The following OC90 variants were observed in gnomAD, a reference collection of about 807,000 sequenced individuals.
OC90 encodes the protein otoconin-90.
Under a neutral mutation model 47.3 loss-of-function variants are expected in OC90, and 46 were observed. That is an observed-to-expected ratio of 0.97 (90% CI 0.77 to 1.24). The LOEUF (loss-of-function observed/expected upper bound fraction) is 1.24. Among genes scored for constraint, OC90 ranks in the 50% most tolerant of loss-of-function variants. The probability of loss-of-function intolerance (pLI) is 0.00; values close to 1 mark genes in which losing one functional copy is unlikely to be tolerated. For synonymous variants in OC90, 271 were observed against 219.5 expected (o/e 1.23, Z -2.07); for missense variants, 688 against 583.9 (o/e 1.18, Z -1.84).
At position 132,029,055 on chromosome 8, in the gene OC90, G is replaced by A; in HGVS notation, c.1138+18C>T. ...CCTCAATGAAATAATAACTCAATGT[G>A]CAACCAACAGCACTTACACTTGGGC... On this transcript the variant is annotated intron_variant, in intron 13 of 13. Coordinates refer to ENST00000254627, the MANE Select transcript of OC90 (RefSeq NM_001080399.3). 1 of 1,558,438 alleles carries A rather than the reference G, an allele frequency of 6.4e-7. No homozygotes were observed. Among genetic ancestry groups the A allele is most frequent in the Non-Finnish European group, 8.9e-7 (1 of 1,129,082 alleles).
intron 2 of OC90, among the ~76,000 whole-genome samples, chr8:132,050,621 G>C (rs1265704305): frequency 6.6e-6 from 1 of 152,130 alleles, no homozygotes. Context: ...TTTCCTCGTT[G>C]AGCCTCACTT....
intron 8 of OC90, among the ~76,000 whole-genome samples, chr8:132,038,173 C>G (rs948426345): frequency 2.0e-5 from 3 of 152,176 alleles, no homozygotes; most frequent in Non-Finnish European, 2.9e-5. Flanking sequence ...AAACCTGACT[C>G]CCATTTTTGG....
intron 8 of OC90, among the ~76,000 whole-genome samples, chr8:132,038,254 G>C (rs531839124): frequency 2.0e-5 from 3 of 152,310 alleles, no homozygotes; most frequent in African/African-American, 7.2e-5. Context: ...CACCTACCCT[G>C]TTCTGAAAAT....
intron 12 of OC90, among the ~76,000 whole-genome samples, chr8:132,030,027 C>T (rs866548394): frequency 3.3e-5 from 5 of 152,138 alleles, no homozygotes; most frequent in African/African-American, 9.7e-5. Context: ...TTAACTTTTC[C>T]GCATTGCTAG....
chr8:132,057,596 G>A (rs1823293682), intron 1 of OC90, among the ~76,000 whole-genome samples: 1 of 152,198 alleles, frequency 6.6e-6, no homozygotes, highest in South Asian at 2.1e-4. Flanking sequence ...CAATGTGAAT[G>A]CACTTAATGC....
At chr8:132,048,456 C>T (rs1823166208) in intron 2 of OC90, among the ~76,000 whole-genome samples, 1 of 147,372 alleles carries the variant, frequency 6.8e-6, no homozygotes, top group South Asian at 2.1e-4. Context: ...TGCACTAACC[C>T]ACCGTGGTCC....
chr8:132,038,505 G>A (rs1011024407), intron 8 of OC90, among the ~76,000 whole-genome samples: 10 of 152,248 alleles, frequency 6.6e-5, no homozygotes, highest in Admixed American at 2.0e-4. Context: ...TACAGAGTGA[G>A]AAAGGGGAGA....
At chr8:132,033,292 G>T in intron 10 of OC90, 128 bp from the exon 11 acceptor site, 1 of 922,732 alleles carries the variant, frequency 1.1e-6, no homozygotes, top group Non-Finnish European at 1.7e-6. Flanking sequence ...CCTCAAACTG[G>T]GTTTGCAGAT....
chr8:132,037,532 G>A, intron 8 of OC90, 44 bp from the exon 9 acceptor site: 2 of 1,526,220 alleles, frequency 1.3e-6, no homozygotes, highest in Non-Finnish European at 1.8e-6. Context: ...ATGCAACACA[G>A]TGTCAAAACC....
rs367950487 is a variant in OC90, at chr8:132,024,633, T to C, written c.1282A>G (p.Ser428Gly). 3.9e-4 allele frequency: 635 copies of C among 1,613,556 alleles called. No homozygotes were observed. The highest frequency in any genetic ancestry group is 1.2e-3 in the Middle Eastern group (7 of 6,082). Reference protein sequence around the residue: ...CPGQPAACEDSLHPVPAAPTL... With the variant: ...CPGQPAACEDGLHPVPAAPTL... ...GGGGCTGCGGGCACAGGGTGCAGGC[T>C]GTCTTCACAGGCTGCTGGCTGCCCA... Residue 428 changes from serine to glycine, a missense_variant, in exon 14 of 14, where the codon AGC (serine) becomes GGC (glycine). Physicochemically the swap from Ser to Gly is moderately conservative, Grantham distance 56. Coordinates refer to ENST00000254627, the MANE Select transcript of OC90 (RefSeq NM_001080399.3).
intron 13 of OC90, among the ~76,000 whole-genome samples, chr8:132,027,253 A>G (rs1390225241): frequency 2.0e-5 from 3 of 152,212 alleles, no homozygotes; most frequent in African/African-American, 7.2e-5. Flanking sequence ...TGAGGCAAGG[A>G]TCATGAAAGT....
Position 132,048,955 on chromosome 8 carries a change from T to C in OC90, c.47-3072A>G, listed in dbSNP as rs985845166. On this transcript the variant is annotated intron_variant, in intron 2 of 13. Transcript: ENST00000254627. Reference sequence around the variant, plus strand: ...CCACAGGGTGTGTGGGTTGGGAGCCTGCTCTTCCACCTGCTAAAGGTGTCT... The same window carrying C: ...CCACAGGGTGTGTGGGTTGGGAGCCCGCTCTTCCACCTGCTAAAGGTGTCT... 1.6e-4 allele frequency among the ~76,000 whole-genome samples: 24 copies of C among 151,752 alleles called. 2 individuals carry two copies. The highest frequency in any genetic ancestry group is 5.9e-4 in the African/African-American group (24 of 41,004).
chr8:132,053,396 T>A (rs888023433), intron 2 of OC90, among the ~76,000 whole-genome samples: 2 of 152,148 alleles, frequency 1.3e-5, no homozygotes, highest in African/African-American at 2.4e-5. Flanking sequence ...TGATAACTGT[T>A]TAATGAAGGA....
intron 3 of OC90, among the ~76,000 whole-genome samples, chr8:132,045,343 T>C (rs543851654): frequency 6.6e-6 from 1 of 152,218 alleles, no homozygotes; most frequent in African/African-American, 2.4e-5. Context: ...TCTTCAGCCA[T>C]GCCCACCTTC....
At chr8:132,041,258 G>A (rs911657908) in intron 5 of OC90, 102 bp from the exon 6 acceptor site, 1 of 761,304 alleles carries the variant, frequency 1.3e-6, no homozygotes, top group East Asian at 2.5e-5. Context: ...TCCTGGCAGT[G>A]GTCTATTTTA....
chr8:132,037,725 G>A (rs915251093), intron 8 of OC90, among the ~76,000 whole-genome samples: 92 of 152,318 alleles, frequency 6.0e-4, no homozygotes, highest in African/African-American at 1.9e-3. Context: ...CCACAGCTGG[G>A]TTCAGGTTCA....
chr8:132,055,526 G>C (rs1365672187), intron 1 of OC90, among the ~76,000 whole-genome samples: 3 of 152,172 alleles, frequency 2.0e-5, no homozygotes, highest in Non-Finnish European at 4.4e-5. Flanking sequence ...TAAATAGCCC[G>C]TACTTTATGA....
chr8:132,054,060 A>C (rs1823250160), intron 2 of OC90, among the ~76,000 whole-genome samples: 1 of 152,144 alleles, frequency 6.6e-6, no homozygotes, highest in South Asian at 2.1e-4. Context: ...ATGAGAAGGG[A>C]CCTTGCGGAG....
intron 6 of OC90, among the ~76,000 whole-genome samples, chr8:132,039,910 T>C (rs1002996574): frequency 6.6e-6 from 1 of 152,174 alleles, no homozygotes; most frequent in African/African-American, 2.4e-5. Flanking sequence ...CACAGGCCTT[T>C]CCCCTGATTC....
Sources: gnomAD v4.1 joint callset for allele counts (sites outside exome capture counted in the v4.1 genomes callset) on GRCh38, gnomAD v4.1.1 for gene constraint, MANE v1.5 for transcripts, NCBI Gene and HGNC (gene_info 2026-07-23, HGNC 2026-07-21) for gene names.